Variants in FAM234A observed in about 807,000 individuals in gnomAD.
FAM234A encodes protein FAM234A.
Under a neutral mutation model 49.1 loss-of-function variants are expected in FAM234A, and 42 were observed. The observed-to-expected ratio is 0.86, with a 90% CI of 0.67 to 1.11. The LOEUF (loss-of-function observed/expected upper bound fraction) is 1.11. Among genes scored for constraint, FAM234A ranks in the 50% least tolerant of loss-of-function variants. The pLI is 0.00. For synonymous variants in FAM234A, 369 were observed against 316.2 expected (o/e 1.17, Z -1.77); for missense variants, 815 against 745.2 (o/e 1.09, Z -1.09).
At chr16:254,728 C>G (rs1455212520) in intron 3 of FAM234A, 47 bp downstream of exon 3, 1 of 1,597,354 alleles carries the variant, frequency 6.3e-7, no homozygotes, top group South Asian at 1.1e-5. Context: ...CAGCTCTTCC[C>G]AGGGGATGGG....
intron 1 of FAM234A, among the ~76,000 whole-genome samples, chr16:247,624 G>C (rs1250593696): frequency 6.6e-6 from 1 of 151,730 alleles, no homozygotes; most frequent in Non-Finnish European, 1.5e-5. Flanking sequence ...GTAGAGATGG[G>C]GTTTCACCAT....
chr16:259,950 C>G lies in FAM234A; in HGVS notation c.386-19C>G. The G allele has an allele frequency of 1.2e-6, 2 of 1,607,492 alleles. No homozygotes were observed. Among genetic ancestry groups the G allele is most frequent in the Non-Finnish European group, 1.7e-6 (2 of 1,176,756 alleles). ...GCCCAGATGGTGCAACAGTGAGGTG[C>G]CGGTGTCTCTCCCTACAGGCTTTTC... On this transcript the variant is annotated intron_variant, in intron 4 of 12. Transcript: ENST00000399932.
At chr16:252,025 A>T (rs2051035870) in intron 2 of FAM234A, among the ~76,000 whole-genome samples, 1 of 135,862 alleles carries the variant, frequency 7.4e-6, no homozygotes, top group Non-Finnish European at 1.6e-5. Flanking sequence ...AAAAAAAGAG[A>T]TGGGTCTCTC....
intron 1 of FAM234A, among the ~76,000 whole-genome samples, chr16:243,259 G>A (rs1001579861): frequency 1.3e-5 from 2 of 152,114 alleles, no homozygotes; most frequent in Non-Finnish European, 2.9e-5. Flanking sequence ...GATTATAGGC[G>A]TGAACCACCC....
intron 1 of FAM234A, among the ~76,000 whole-genome samples, chr16:239,762 C>G (rs1161149931): frequency 6.6e-6 from 1 of 152,094 alleles, no homozygotes; most frequent in Non-Finnish European, 1.5e-5. Context: ...GCTGTTCGCC[C>G]TCAACTTATT....
At chr16:245,351 A>T (rs1045254268) in intron 1 of FAM234A, among the ~76,000 whole-genome samples, 9 of 152,190 alleles carry the variant, frequency 5.9e-5, no homozygotes, top group African/African-American at 2.2e-4. Flanking sequence ...TCTCAAGATC[A>T]GATAAAATGA....
chr16:258,590 A>G (rs555101787), intron 3 of FAM234A, among the ~76,000 whole-genome samples: 228 of 152,270 alleles, frequency 1.5e-3, no homozygotes, highest in Non-Finnish European at 9.8e-4. Context: ...CGATTTCTCA[A>G]TCTTTTCCCC....
rs753841722 is a variant in FAM234A at position 264,621 on chromosome 16, G to A, written c.1352G>A (p.Gly451Glu). Residue 451 changes from glycine (G) to glutamate (E), a missense_variant, in exon 12 of 13, where the codon GGG becomes GAG. Physicochemically the swap from Gly to Glu is moderately conservative, Grantham distance 98. Coordinates refer to ENST00000399932, the MANE Select transcript of FAM234A (RefSeq NM_032039.4). ...ELGSTSETET[G>E]EARHSLYMFH... is the part of the protein sequence containing the mutation. ...TGCTGGTTCTCGCTCCAGGAGACCG[G>A]GGAGGCCCGGCACAGCCTGTACATG... 1.9e-6 allele frequency: 3 copies of A among 1,609,236 alleles called. No homozygotes were observed. The highest frequency in any genetic ancestry group is 8.5e-7 in the Non-Finnish European group (1 of 1,178,756).
In FAM234A at chr16:264,995, C is replaced by T; in HGVS notation, c.1632C>T (p.Ser544=). ...ACCAAGCCATCAGGGACCGGTTCTC[C>T]CGGCTGCGGTACCAGAGTGAGGCGT... ...DSDQAIRDRF[S]RLRYQSEA is the part of the protein sequence containing the mutation. Residue 544 remains serine (S), a synonymous_variant, in exon 13 of 13, where the codon TCC becomes TCT. Transcript: ENST00000399932. 3 of 1,610,474 alleles carry T rather than the reference C, an allele frequency of 1.9e-6. No individual in the cohort carries two copies. Among genetic ancestry groups the T allele is most frequent in the Non-Finnish European group, 2.5e-6 (3 of 1,178,348 alleles).
At chr16:253,734 A>G (rs1238615459) in intron 2 of FAM234A, 1 of 152,436 alleles carries the variant, frequency 6.6e-6, no homozygotes, top group East Asian at 1.9e-4. Context: ...TCGGCCTGCC[A>G]AAGTACTGGG....
intron 6 of FAM234A, 34 bp from the exon 7 acceptor site, chr16:262,059 C>A (rs1456080150): frequency 6.2e-7 from 1 of 1,604,932 alleles, no homozygotes; most frequent in East Asian, 2.2e-5. Flanking sequence ...AGGCTCAGGT[C>A]CCTCTCTTCC....
intron 1 of FAM234A, chr16:248,515 CAT>C (rs1287717714): frequency 2.0e-5 from 3 of 151,982 alleles, no homozygotes; most frequent in African/African-American, 7.3e-5. Context: ...TGCTTATCCA[CAT>C]AGAGAATACT....
intron 7 of FAM234A, 60 bp downstream of exon 7, chr16:262,285 G>A: frequency 6.3e-7 from 1 of 1,597,892 alleles, no homozygotes; most frequent in South Asian, 1.1e-5. Flanking sequence ...CTGCCCTGCG[G>A]CTCCTCAGGT....
At chr16:262,976 C>T (rs1017498726) in intron 8 of FAM234A, among the ~76,000 whole-genome samples, 42 of 152,038 alleles carry the variant, frequency 2.8e-4, no homozygotes, top group Non-Finnish European at 4.9e-4. Context: ...CGCACCTCCA[C>T]GCCCAGCTAA....
chr16:247,502 G>A (rs1364159541), intron 1 of FAM234A, among the ~76,000 whole-genome samples: 1 of 151,460 alleles, frequency 6.6e-6, no homozygotes, highest in Non-Finnish European at 1.5e-5. Context: ...GCTCAATCTC[G>A]GCTGACTGCA....
At chr16:244,204 G>A (rs1198921279) in intron 1 of FAM234A, among the ~76,000 whole-genome samples, 6 of 152,122 alleles carry the variant, frequency 3.9e-5, no homozygotes, top group Admixed American at 6.6e-5. Context: ...TCCTGACCTT[G>A]TGATCCACCC....
chr16:246,482 C>T (rs1363217162), intron 1 of FAM234A, among the ~76,000 whole-genome samples: 4 of 128,632 alleles, frequency 3.1e-5, no homozygotes, highest in African/African-American at 9.2e-5. Flanking sequence ...TGCAGTGGTG[C>T]GATCTTGGCT....
At chr16:262,828 T>G (rs1449135174) in intron 8 of FAM234A, among the ~76,000 whole-genome samples, 3 of 151,060 alleles carry the variant, frequency 2.0e-5, no homozygotes, top group Admixed American at 6.6e-5. Context: ...TTTGGTTGTT[T>G]TTTTTTTTTA....
intron 1 of FAM234A, chr16:248,200 A>G (rs2050882602): frequency 6.6e-6 from 1 of 152,100 alleles, no homozygotes; most frequent in Non-Finnish European, 1.5e-5. Context: ...ACTAATGAGC[A>G]TTTAGAGAGT....
Sources: allele counts gnomAD v4.1 joint callset (sites outside exome capture counted in the v4.1 genomes callset), GRCh38; gene constraint gnomAD v4.1.1; transcripts MANE v1.5; gene names NCBI Gene and HGNC (gene_info 2026-07-23, HGNC 2026-07-21).